The following ATP8B4 variants were observed in gnomAD, a reference collection of about 807,000 sequenced individuals.
ATP8B4 encodes the protein probable phospholipid-transporting ATPase IM.
ATP8B4 carries 133 observed loss-of-function variants against 145.6 expected under a neutral mutation model. That is an observed-to-expected ratio of 0.91 (90% CI 0.79 to 1.05). ATP8B4 has a LOEUF of 1.05. ATP8B4 is among the 50% of genes least tolerant of loss of function. ATP8B4 has a pLI of 0.00. For missense variants in ATP8B4, 1,458 were observed against 1,425.2 expected (o/e 1.02, Z -0.37); for synonymous variants, 507 against 492.9 (o/e 1.03, Z -0.38).
rs1468990259 is a variant in ATP8B4, at chr15:49,862,341, G to C, written c.3201C>G (p.Ile1067Met). ...CTGTTGTTAAGAGAATTACAAGCCA[G>C]ATGCACTTCTGGGTCAGGGAATGTC... ...NARHSLTQKC[I>M]WLVILLTTVA... Residue 1067 changes from isoleucine (I) to methionine (M), a missense_variant, in exon 27 of 28, where the codon ATC (isoleucine) becomes ATG (methionine). Transcript: ENST00000284509. 1.2e-6 allele frequency: 2 copies of C among 1,613,668 alleles called. No homozygotes were observed. The highest frequency in any genetic ancestry group is 1.7e-6 in the Non-Finnish European group (2 of 1,179,762).
intron 24 of ATP8B4, 106 bp downstream of exon 24, chr15:49,879,270 G>A: frequency 1.0e-6 from 1 of 997,662 alleles, no homozygotes; most frequent in Non-Finnish European, 1.5e-6. Context: ...TAAAACAACT[G>A]CATTCCTAGG....
At chr15:49,955,089 C>T (rs751782678) in intron 14 of ATP8B4, among the ~76,000 whole-genome samples, 1 of 152,178 alleles carries the variant, frequency 6.6e-6, no homozygotes, top group Non-Finnish European at 1.5e-5. Context: ...CCAAATACCA[C>T]ATGTTCTCAC....
intron 16 of ATP8B4, among the ~76,000 whole-genome samples, chr15:49,927,950 G>A (rs1197383846): frequency 6.6e-6 from 1 of 152,144 alleles, no homozygotes; most frequent in Non-Finnish European, 1.5e-5. Flanking sequence ...GTTTCTAGTA[G>A]TTAGAGACCA....
chr15:49,891,144 TC>T (rs1485630222), intron 23 of ATP8B4, among the ~76,000 whole-genome samples: 1 of 151,974 alleles, frequency 6.6e-6, no homozygotes, highest in Non-Finnish European at 1.5e-5. Flanking sequence ...AAGCCCCAAA[TC>T]CCTGAAGGGA....
intron 1 of ATP8B4, among the ~76,000 whole-genome samples, chr15:50,163,570 G>A (rs1306743767): frequency 6.6e-6 from 1 of 152,224 alleles, no homozygotes; most frequent in East Asian, 1.9e-4. Flanking sequence ...AGACTGAACT[G>A]GGTTGGTCCC....
At chr15:49,969,926 G>A (rs1250799093) in intron 13 of ATP8B4, among the ~76,000 whole-genome samples, 4 of 152,102 alleles carry the variant, frequency 2.6e-5, no homozygotes, top group Admixed American at 1.3e-4. Flanking sequence ...TATCCACCAC[G>A]ATCAAGTTGG....
At chr15:50,178,725 A>G (rs1002709392) in intron 1 of ATP8B4, among the ~76,000 whole-genome samples, 3 of 152,134 alleles carry the variant, frequency 2.0e-5, no homozygotes, top group Non-Finnish European at 4.4e-5. Flanking sequence ...AAAGGGCTAT[A>G]TGTTTATTGT....
chr15:50,094,714 A>AC (rs372436663), intron 2 of ATP8B4, among the ~76,000 whole-genome samples: 13 of 19,168 alleles, frequency 6.8e-4, no homozygotes, highest in East Asian at 1.9e-3. Context: ...ATATACTACT[A>AC]TATATATATA....
At chr15:50,156,091 TAA>T (rs577606568) in intron 1 of ATP8B4, among the ~76,000 whole-genome samples, 32,303 of 56,092 alleles carry the variant, frequency 0.58, 7,904 homozygotes, top group Non-Finnish European at 0.64. Context: ...TATATATATA[TAA>T]ATATATATAT....
Position 49,891,541 on chromosome 15 carries a change from G to A in ATP8B4, c.2697+5751C>T, listed in dbSNP as rs914214223. 4.6e-5 allele frequency among the ~76,000 whole-genome samples: 7 copies of A among 152,194 alleles called. No individual in the cohort carries two copies. In the East Asian group the frequency reaches 1.4e-3, roughly 29 times the overall value. On this transcript the variant is annotated intron_variant, in intron 23 of 27. Transcript: ENST00000284509. Reference sequence around the variant, plus strand: ...AAGTTTTACTACGTTGGCCAGGCTGGTCTCAAACTCCTGACCTCAAGCGAT... The same window carrying A: ...AAGTTTTACTACGTTGGCCAGGCTGATCTCAAACTCCTGACCTCAAGCGAT...
At chr15:49,865,064 C>G (rs7172553) in intron 26 of ATP8B4, among the ~76,000 whole-genome samples, 41,875 of 152,024 alleles carry the variant, frequency 0.28, 6,025 homozygotes, top group African/African-American at 0.3. Flanking sequence ...ATGGGGGCTG[C>G]TCATCAGAAA....
intron 1 of ATP8B4, among the ~76,000 whole-genome samples, chr15:50,178,444 C>G (rs1399877610): frequency 6.6e-6 from 1 of 152,010 alleles, no homozygotes; most frequent in Non-Finnish European, 1.5e-5. Context: ...GTATAAAAAC[C>G]CAGACAAAAG....
chr15:49,913,556 A>C, intron 20 of ATP8B4, among the ~76,000 whole-genome samples: 1 of 152,234 alleles, frequency 6.6e-6, no homozygotes, highest in Admixed American at 6.5e-5. Flanking sequence ...GAAGCCATCC[A>C]AATTGAAAAA....
At chr15:50,142,943 G>C (rs535652255) in intron 1 of ATP8B4, among the ~76,000 whole-genome samples, 9 of 152,150 alleles carry the variant, frequency 5.9e-5, no homozygotes, top group Admixed American at 2.6e-4. Flanking sequence ...ACTGTTTCAG[G>C]CTCTGACTAT....
At position 49,876,483 on chromosome 15, in the gene ATP8B4, T is replaced by C; in HGVS notation, c.2822A>G (p.Tyr941Cys). Residue 941 changes from tyrosine (Y) to cysteine (C), a missense_variant, in exon 25 of 28, where the codon TAC becomes TGC. By Grantham distance (194) the Tyr-to-Cys change is radical (BLOSUM62 -2). Coordinates refer to ENST00000284509, the MANE Select transcript of ATP8B4 (RefSeq NM_024837.4). The part of the protein sequence containing the change: ...DQNSVDCPQL[Y>C]KPGQLNLLFN... ...AAGCAGATTCAGCTGTCCTGGTTTG[T>C]AGAGCTGGGGACAGTCCACGCTGTT... 1 of 1,614,126 alleles carries C rather than the reference T, an allele frequency of 6.2e-7. No individual in the cohort carries two copies. The highest frequency in any genetic ancestry group is 1.1e-5 in the South Asian group (1 of 91,082).
intron 6 of ATP8B4, among the ~76,000 whole-genome samples, chr15:50,011,783 A>T (rs1225527823): frequency 6.6e-6 from 1 of 152,110 alleles, no homozygotes; most frequent in African/African-American, 2.4e-5. Flanking sequence ...TCCAACTTGG[A>T]AGTTTTCATC....
intron 2 of ATP8B4, among the ~76,000 whole-genome samples, chr15:50,080,526 T>C (rs1167544845): frequency 6.6e-6 from 1 of 151,920 alleles, no homozygotes; most frequent in East Asian, 1.9e-4. Context: ...AGACAGAACA[T>C]CCAAAAGTGT....
At chr15:49,869,385 T>C (rs988657229) in intron 25 of ATP8B4, among the ~76,000 whole-genome samples, 1 of 151,770 alleles carries the variant, frequency 6.6e-6, no homozygotes, top group African/African-American at 2.4e-5. Flanking sequence ...GGAAGACTAA[T>C]AGAATGAGAC....
At chr15:50,019,525 A>G (rs575917099) in intron 6 of ATP8B4, among the ~76,000 whole-genome samples, 1 of 152,356 alleles carries the variant, frequency 6.6e-6, no homozygotes, top group South Asian at 2.1e-4. Flanking sequence ...TACATTTAAA[A>G]TACTGTGACT....
Sources: gnomAD v4.1 joint callset for allele counts (sites outside exome capture counted in the v4.1 genomes callset) on GRCh38, gnomAD v4.1.1 for gene constraint, MANE v1.5 for transcripts, NCBI Gene and HGNC (gene_info 2026-07-23, HGNC 2026-07-21) for gene names.